KALRN: variants seen among roughly 807,000 people sequenced by gnomAD.
KALRN encodes kalirin.
In KALRN, 70 loss-of-function variants were observed where a neutral mutation model predicts 353.7. That is an observed-to-expected ratio of 0.20 (90% CI 0.16 to 0.24). The LOEUF (loss-of-function observed/expected upper bound fraction) is 0.24. Ranked by LOEUF, KALRN falls within the 10% of genes least tolerant of loss-of-function variation. The pLI is 1.00. For synonymous variants in KALRN, 1,391 were observed against 1,434.8 expected, an observed-to-expected ratio of 0.97 and a Z score of 0.69; for missense variants, 2,791 against 3,756.7, an observed-to-expected ratio of 0.74 and a Z score of 6.72.
In KALRN at chr3:124,719,725, G is replaced by T. The variant is rs1394506888; in HGVS notation, c.*255G>T. The T allele has an allele frequency of 4.8e-6, 2 of 419,634 alleles. No individual in the cohort carries two copies. Among genetic ancestry groups the T allele is most frequent in the Non-Finnish European group, 8.6e-6 (2 of 232,184 alleles). The allele number at this position is 419,634 out of a possible 1,614,324, so 26.0% of individuals were successfully genotyped here. A position where few individuals can be genotyped will look rare whatever the true frequency, so the allele number is the denominator to read the frequency against. Reference sequence around the variant, plus strand: ...GGTCACAGAAGTGTTCAGAAGAAGGGCAAAGATAAGAACAATATTAGCTGT... The same window carrying T: ...GGTCACAGAAGTGTTCAGAAGAAGGTCAAAGATAAGAACAATATTAGCTGT... On this transcript the variant is annotated 3_prime_UTR_variant, in exon 60 of 60. Coordinates refer to ENST00000682506, the MANE Select transcript of KALRN (RefSeq NM_001388419.1). This position sits in a 1 kb window ranked among gnomAD's most constrained non-coding sequence, Gnocchi z 5.3.
At chr3:124,718,617 C>T (rs2150841950) in intron 59 of KALRN, among the ~76,000 whole-genome samples, 1 of 152,146 alleles carries the variant, frequency 6.6e-6, no homozygotes, top group South Asian at 2.1e-4. Context: ...AAAAAGAAGC[C>T]CCTGTTCACC....
At chr3:124,342,095 T>A (rs944411909) in intron 9 of KALRN, among the ~76,000 whole-genome samples, 8 of 152,158 alleles carry the variant, frequency 5.3e-5, no homozygotes, top group African/African-American at 1.9e-4. Context: ...TATACCCTGG[T>A]GAAAAGCCCT....
intron 57 of KALRN, among the ~76,000 whole-genome samples, chr3:124,705,825 T>TTCCG (rs1375321991): frequency 1.4e-5 from 2 of 143,826 alleles, no homozygotes; most frequent in Middle Eastern, 3.2e-3. Context: ...CCTTCCTCCC[T>TTCCG]TCCTTCCTTC....
At chr3:124,538,318 CAG>C (rs1426554753) in intron 33 of KALRN, among the ~76,000 whole-genome samples, 2 of 151,798 alleles carry the variant, frequency 1.3e-5, no homozygotes, top group Non-Finnish European at 2.9e-5. Context: ...GAGGCAGAGA[CAG>C]AGACAGGATG....
intron 11 of KALRN, among the ~76,000 whole-genome samples, chr3:124,387,142 A>G (rs1387174358): frequency 2.6e-5 from 4 of 152,172 alleles, no homozygotes; most frequent in Non-Finnish European, 5.9e-5. Flanking sequence ...TGAGAAATAC[A>G]CAGTGTTGCC....
At chr3:124,360,703 C>T (rs1467565153) in intron 10 of KALRN, among the ~76,000 whole-genome samples, 1 of 152,200 alleles carries the variant, frequency 6.6e-6, no homozygotes, top group Non-Finnish European at 1.5e-5. Flanking sequence ...AATAATTAAT[C>T]TCAACACAAG....
intron 1 of KALRN, among the ~76,000 whole-genome samples, chr3:124,121,480 A>T (rs2064023345): frequency 6.6e-6 from 1 of 152,140 alleles, no homozygotes; most frequent in Non-Finnish European, 1.5e-5. Flanking sequence ...TTTTCAGAGG[A>T]TATCATTGCC....
At chr3:124,278,464 T>TGC (rs2075005039) in intron 5 of KALRN, among the ~76,000 whole-genome samples, 1 of 150,082 alleles carries the variant, frequency 6.7e-6, no homozygotes, top group Non-Finnish European at 1.5e-5. Flanking sequence ...TTCAGGTGTG[T>TGC]GTGTGTGTGT....
At chr3:124,054,712 A>G (rs1360297155) in intron 1 of KALRN, among the ~76,000 whole-genome samples, 1 of 152,220 alleles carries the variant, frequency 6.6e-6, no homozygotes, top group South Asian at 2.1e-4. Context: ...AGTCTAGACT[A>G]TATTGTCCAC....
At chr3:124,580,888 G>A (rs971816895) in intron 34 of KALRN, among the ~76,000 whole-genome samples, 6 of 151,536 alleles carry the variant, frequency 4.0e-5, no homozygotes, top group South Asian at 2.1e-4. Flanking sequence ...GGGGCAGATC[G>A]CTTGAGCCCA....
At chr3:124,561,444 G>A (rs961606601) in intron 33 of KALRN, among the ~76,000 whole-genome samples, 2 of 152,120 alleles carry the variant, frequency 1.3e-5, no homozygotes, top group African/African-American at 2.4e-5. Context: ...TATTTTAACC[G>A]TTTCAAGCCC....
At chr3:124,139,057 T>C (rs1057020059) in intron 1 of KALRN, among the ~76,000 whole-genome samples, 6 of 152,156 alleles carry the variant, frequency 3.9e-5, no homozygotes, top group Admixed American at 3.3e-4. Context: ...AGCAGGAGGC[T>C]GGGGAAGCTA....
chr3:124,064,729 G>A (rs1473885875), intron 1 of KALRN, among the ~76,000 whole-genome samples: 1 of 152,144 alleles, frequency 6.6e-6, no homozygotes, highest in Non-Finnish European at 1.5e-5. Context: ...TTTTGGTTTG[G>A]GGTTGGGAAT....
At chr3:124,178,258 A>G (rs1171101124) in intron 1 of KALRN, among the ~76,000 whole-genome samples, 1 of 152,240 alleles carries the variant, frequency 6.6e-6, no homozygotes. Flanking sequence ...CAAACCCTAC[A>G]TATACTGTTT....
intron 1 of KALRN, among the ~76,000 whole-genome samples, chr3:124,046,460 G>A (rs1332405198): frequency 6.6e-6 from 1 of 152,204 alleles, no homozygotes; most frequent in African/African-American, 2.4e-5. Context: ...TCATCTGCAA[G>A]CACTGGGAGA....
At chr3:124,207,582 G>A (rs894215287) in intron 1 of KALRN, among the ~76,000 whole-genome samples, 3 of 152,124 alleles carry the variant, frequency 2.0e-5, no homozygotes, top group African/African-American at 7.2e-5. Flanking sequence ...CTATATGTAT[G>A]AGGCTTCATG....
chr3:124,563,029 C>T lies in KALRN; in HGVS notation c.5122C>T (p.Leu1708=). Residue 1708 remains leucine (L), a synonymous_variant, in exon 34 of 60, where the codon CTG becomes TTG. Transcript: ENST00000682506. ...GGAGGGTCTGGTCCCCAGCAGCGCC[C>T]TGTGCATCTCACACTCCCGAAGCAG... ...PLEGLVPSSA[L]CISHSRSSVE... is the part of the protein sequence containing the mutation. 3 of 1,367,908 alleles carry T rather than the reference C, an allele frequency of 2.2e-6. No homozygotes were observed. Among genetic ancestry groups the T allele is most frequent in the Non-Finnish European group, 2.9e-6 (3 of 1,022,016 alleles). The allele number at this position is 1,367,908 out of a possible 1,614,324, so 84.7% of individuals were successfully genotyped here.
chr3:124,362,840 T>A (rs1229200264), intron 10 of KALRN, among the ~76,000 whole-genome samples: 3 of 152,226 alleles, frequency 2.0e-5, no homozygotes, highest in Admixed American at 2.0e-4. Context: ...GGCTTTGACC[T>A]ATGGACTCTT....
At chr3:124,479,255 C>T (rs1423700149) in intron 27 of KALRN, among the ~76,000 whole-genome samples, 2 of 152,200 alleles carry the variant, frequency 1.3e-5, no homozygotes, top group South Asian at 2.1e-4. Flanking sequence ...CCCTATACCC[C>T]GTTTCCAACA....
Sources: allele counts gnomAD v4.1 joint callset (sites outside exome capture counted in the v4.1 genomes callset), GRCh38; gene constraint gnomAD v4.1.1; non-coding constraint Gnocchi (gnomAD v3.1); transcripts MANE v1.5; gene names NCBI Gene and HGNC (gene_info 2026-07-23, HGNC 2026-07-21).